Variants in PDLIM5 observed in about 807,000 individuals in gnomAD.
The protein encoded by PDLIM5 is PDZ and LIM domain 5.
In PDLIM5, 34 loss-of-function variants were observed where a neutral mutation model predicts 64.2. The ratio of observed to expected loss-of-function variants is 0.53; its 90% confidence interval spans 0.40 to 0.71. The LOEUF (loss-of-function observed/expected upper bound fraction) is 0.71. Ranked by LOEUF, PDLIM5 falls within the 30% of genes least tolerant of loss-of-function variation. The pLI is 0.00. For missense variants in PDLIM5, 683 were observed against 733.6 expected, an observed-to-expected ratio of 0.93 and a Z score of 0.80; for synonymous variants, 253 against 269.1, an observed-to-expected ratio of 0.94 and a Z score of 0.59.
intron 2 of PDLIM5, among the ~76,000 whole-genome samples, chr4:94,511,612 C>G (rs1728885592): frequency 6.6e-6 from 1 of 152,008 alleles, no homozygotes; most frequent in African/African-American, 2.4e-5. Context: ...CACACACACA[C>G]ACACACACAC....
chr4:94,619,081 C>A (rs190046016), intron 8 of PDLIM5, among the ~76,000 whole-genome samples: 1 of 152,268 alleles, frequency 6.6e-6, no homozygotes, highest in African/African-American at 2.4e-5. Context: ...CTGAAAATAA[C>A]CATTTCCTAT....
chr4:94,630,055 G>T (rs1740017359), intron 8 of PDLIM5, among the ~76,000 whole-genome samples: 1 of 152,144 alleles, frequency 6.6e-6, no homozygotes, highest in East Asian at 1.9e-4. Context: ...GAAAGCACTT[G>T]CTGCACACAA....
chr4:94,514,964 C>T (rs1729234610), intron 2 of PDLIM5, among the ~76,000 whole-genome samples: 1 of 151,848 alleles, frequency 6.6e-6, no homozygotes, highest in Admixed American at 6.6e-5. Context: ...ATACATATGC[C>T]AAAATAGAAG....
intron 7 of PDLIM5, among the ~76,000 whole-genome samples, chr4:94,594,865 C>T (rs1321475006): frequency 6.6e-6 from 1 of 152,000 alleles, no homozygotes; most frequent in Non-Finnish European, 1.5e-5. Flanking sequence ...TCTGATTTTT[C>T]ACATATTTAT....
At position 94,667,615 on chromosome 4, in the gene PDLIM5, T is replaced by C. The variant is rs1326452135; in HGVS notation, c.*3548T>C. ...GGGGGTTCTTGGAACCCATCACCCA[T>C]AGGGGCACCATAGGACAACTATAGT... is the stretch of plus-strand genomic sequence containing the variant. On this transcript the variant is annotated 3_prime_UTR_variant, in exon 13 of 13. Transcript: ENST00000317968. 1.3e-5 allele frequency: 2 copies of C among 152,134 alleles called. No homozygotes were observed. The highest frequency in any genetic ancestry group is 2.9e-5 in the Non-Finnish European group (2 of 68,020). The allele number at this position is 152,134 out of a possible 1,614,324, so 9.4% of individuals were successfully genotyped here. A position where few individuals can be genotyped will look rare whatever the true frequency, so the allele number is the denominator to read the frequency against.
At chr4:94,453,105 A>G (rs982610182) in intron 1 of PDLIM5, among the ~76,000 whole-genome samples, 4 of 152,134 alleles carry the variant, frequency 2.6e-5, no homozygotes, top group Non-Finnish European at 5.9e-5. Context: ...TTCCTTCCCT[A>G]GTACTAGAGC....
intron 2 of PDLIM5, among the ~76,000 whole-genome samples, chr4:94,458,742 A>G (rs1477907876): frequency 6.6e-6 from 1 of 152,216 alleles, no homozygotes; most frequent in Non-Finnish European, 1.5e-5. Flanking sequence ...TTGTTGTATC[A>G]GCATGTGAAT....
intron 3 of PDLIM5, among the ~76,000 whole-genome samples, chr4:94,530,876 C>T (rs1730816210): frequency 6.6e-6 from 1 of 152,112 alleles, no homozygotes; most frequent in African/African-American, 2.4e-5. Flanking sequence ...TATTAGCCAT[C>T]TTTTGTCTCA....
At chr4:94,563,657 A>G (rs1176686837) in intron 3 of PDLIM5, among the ~76,000 whole-genome samples, 1 of 152,214 alleles carries the variant, frequency 6.6e-6, no homozygotes, top group Non-Finnish European at 1.5e-5. Flanking sequence ...AGGAATAGAA[A>G]AAGAGATGTG....
intron 1 of PDLIM5, among the ~76,000 whole-genome samples, chr4:94,454,810 C>T (rs1723182935): frequency 6.6e-6 from 1 of 152,120 alleles, no homozygotes; most frequent in Non-Finnish European, 1.5e-5. Flanking sequence ...GTTAGAGTAA[C>T]TTAGAATTTA....
At chr4:94,594,033 GT>G (rs143591831) in intron 7 of PDLIM5, among the ~76,000 whole-genome samples, 5,760 of 152,178 alleles carry the variant, frequency 0.038, 375 homozygotes, top group African/African-American at 0.13. Context: ...TAGGGAAGTT[GT>G]TTACAGCGTG....
intron 9 of PDLIM5, among the ~76,000 whole-genome samples, chr4:94,647,252 G>C (rs1278346808): frequency 6.6e-6 from 1 of 152,012 alleles, no homozygotes; most frequent in Non-Finnish European, 1.5e-5. Flanking sequence ...TTGTCTACAA[G>C]AGACACAGTT....
chr4:94,544,127 C>G (rs1326143560), intron 3 of PDLIM5, among the ~76,000 whole-genome samples: 1 of 152,128 alleles, frequency 6.6e-6, no homozygotes, highest in African/African-American at 2.4e-5. Context: ...CCACTCCAGT[C>G]TCTGCCTCCT....
chr4:94,590,094 T>A, intron 7 of PDLIM5, among the ~76,000 whole-genome samples: 1 of 152,122 alleles, frequency 6.6e-6, no homozygotes, highest in Middle Eastern at 3.2e-3. Context: ...ATTTTTTTCT[T>A]ACAGTGTTTT....
At chr4:94,538,577 A>G (rs1731512241) in intron 3 of PDLIM5, among the ~76,000 whole-genome samples, 1 of 152,132 alleles carries the variant, frequency 6.6e-6, no homozygotes, top group African/African-American at 2.4e-5. Context: ...TATTTTGTGG[A>G]CTAATTACAA....
intron 7 of PDLIM5, among the ~76,000 whole-genome samples, chr4:94,596,621 T>C (rs1438507563): frequency 2.0e-5 from 3 of 152,050 alleles, no homozygotes; most frequent in Non-Finnish European, 2.9e-5. Flanking sequence ...CATGGAAGGC[T>C]TAATTTCTAT....
At chr4:94,507,355 A>G (rs1008737835) in intron 2 of PDLIM5, among the ~76,000 whole-genome samples, 3 of 152,128 alleles carry the variant, frequency 2.0e-5, no homozygotes, top group Non-Finnish European at 4.4e-5. Context: ...TGGTAGCCCC[A>G]AAAGTCTTAA....
intron 3 of PDLIM5, among the ~76,000 whole-genome samples, chr4:94,539,155 A>G (rs1731560833): frequency 6.6e-6 from 1 of 152,186 alleles, no homozygotes; most frequent in South Asian, 2.1e-4. Context: ...TCAAGCATAG[A>G]TTAGGAAAAG....
At chr4:94,629,323 G>C (rs1157386253) in intron 8 of PDLIM5, among the ~76,000 whole-genome samples, 2 of 151,210 alleles carry the variant, frequency 1.3e-5, no homozygotes, top group East Asian at 3.9e-4. Flanking sequence ...CACTGTGCGA[G>C]ACTCAGTTTC....
Sources: gnomAD v4.1 joint callset for allele counts (sites outside exome capture counted in the v4.1 genomes callset) on GRCh38, gnomAD v4.1.1 for gene constraint, MANE v1.5 for transcripts, NCBI Gene and HGNC (gene_info 2026-07-23, HGNC 2026-07-21) for gene names.